The following SLC4A10 variants were observed in gnomAD, a reference collection of about 807,000 sequenced individuals.
SLC4A10 encodes the protein solute carrier family 4 member 10, also known as sodium-driven chloride bicarbonate exchanger.
SLC4A10 carries 42 observed loss-of-function variants against 137.7 expected under a neutral mutation model. The ratio of observed to expected loss-of-function variants is 0.30; its 90% confidence interval spans 0.24 to 0.39. SLC4A10 has a LOEUF of 0.39. Ranked by LOEUF, SLC4A10 falls within the 10% of genes least tolerant of loss-of-function variation. SLC4A10 has a pLI of 1.00. For missense variants in SLC4A10, 925 were observed against 1,355.0 expected, an observed-to-expected ratio of 0.68 and a Z score of 4.98; for synonymous variants, 474 against 464.1, an observed-to-expected ratio of 1.02 and a Z score of -0.27.
At chr2:161,957,361 A>G in intron 20 of SLC4A10, 121 bp downstream of exon 20, 1 of 1,136,378 alleles carries the variant, frequency 8.8e-7, no homozygotes, top group Non-Finnish European at 1.2e-6. Flanking sequence ...AAAGTGATGA[A>G]TTTCTGAACC....
At chr2:161,821,818 G>A (rs2057648162) in intron 3 of SLC4A10, among the ~76,000 whole-genome samples, 1 of 152,232 alleles carries the variant, frequency 6.6e-6, no homozygotes, top group Non-Finnish European at 1.5e-5. Flanking sequence ...AAATATGTTA[G>A]TAGGATGGTT....
intron 15 of SLC4A10, among the ~76,000 whole-genome samples, chr2:161,929,488 G>A (rs551025843): frequency 1.3e-5 from 2 of 152,226 alleles, no homozygotes; most frequent in African/African-American, 4.8e-5. Flanking sequence ...AGAGCATATG[G>A]CAGTTTCAAC....
rs912078665 is a variant in SLC4A10, at chr2:161,977,853, T to C, written c.*26+93T>C. On this transcript the variant is annotated intron_variant, in intron 26 of 26. Transcript: ENST00000446997. Reference sequence around the variant, plus strand: ...ACCTGGTCAGTCTATGTCCTCTGTGTGAGTTTTGGGGAGGCAAAAGGCATG... The same window carrying C: ...ACCTGGTCAGTCTATGTCCTCTGTGCGAGTTTTGGGGAGGCAAAAGGCATG... 2.4e-6 allele frequency: 3 copies of C among 1,260,422 alleles called. No homozygotes were observed. In the African/African-American group the frequency reaches 4.6e-5, roughly 20 times the overall value. The allele number at this position is 1,260,422 out of a possible 1,614,324, so 78.1% of individuals were successfully genotyped here.
intron 4 of SLC4A10, 117 bp from the exon 5 acceptor site, chr2:161,854,853 A>T: frequency 9.8e-7 from 1 of 1,024,452 alleles, no homozygotes; most frequent in Middle Eastern, 2.8e-4. Flanking sequence ...TACTTCCAAA[A>T]CCTATGAACC....
At chr2:161,795,803 A>G (rs1251657949) in intron 2 of SLC4A10, among the ~76,000 whole-genome samples, 1 of 152,126 alleles carries the variant, frequency 6.6e-6, no homozygotes, top group Non-Finnish European at 1.5e-5. Context: ...CACTTAGCAT[A>G]GTAGATGGTA....
In SLC4A10 at chr2:161,905,857, A is replaced by G. The variant is rs1575573169; in HGVS notation, c.1967A>G (p.His656Arg). The change falls in exon 15 of 27, where the codon CAT (histidine) becomes CGT (arginine). Residue 656 changes from histidine (H) to arginine (R), a missense_variant. His to Arg is a conservative substitution (Grantham distance 29). This residue lies in a region of SLC4A10 where 91 missense variants were observed against 95.6 expected (regional missense o/e 0.95). Transcript: ENST00000446997. Reference protein sequence around the residue: ...ELSEAYPINMHNDLELLTQYS... With the variant: ...ELSEAYPINMRNDLELLTQYS... Reference sequence around the variant, plus strand: ...AGTGAAGCATATCCAATCAACATGCATAATGATCTGGAACTGCTGACACAA... The same window carrying G: ...AGTGAAGCATATCCAATCAACATGCGTAATGATCTGGAACTGCTGACACAA... 1 of 1,613,298 alleles carries G rather than the reference A, an allele frequency of 6.2e-7. No individual in the cohort carries two copies.
intron 1 of SLC4A10, among the ~76,000 whole-genome samples, chr2:161,765,484 C>G (rs2050704251): frequency 6.6e-6 from 1 of 151,578 alleles, no homozygotes; most frequent in Non-Finnish European, 1.5e-5. Flanking sequence ...GTGCATGCCT[C>G]TAAGCCCAGT....
Position 161,862,856 on chromosome 2 carries a change from C to T in SLC4A10, c.578-18C>T, listed in dbSNP as rs1400935660. 6.5e-7 allele frequency: 1 copy of T among 1,547,660 alleles called. No homozygotes were observed. Among genetic ancestry groups the T allele is most frequent in the Non-Finnish European group, 8.7e-7 (1 of 1,143,276 alleles). On this transcript the variant is annotated intron_variant, in intron 5 of 26. Transcript: ENST00000446997. ...AGAGGAAAGCTGTGCTTATCTTCTTCCGGCCTTTTCTCTTCAGATATGGTT... is the reference window on the plus strand; with the variant it reads ...AGAGGAAAGCTGTGCTTATCTTCTTTCGGCCTTTTCTCTTCAGATATGGTT...
At chr2:161,811,705 A>G (rs573689773) in intron 3 of SLC4A10, among the ~76,000 whole-genome samples, 1 of 152,110 alleles carries the variant, frequency 6.6e-6, no homozygotes, top group South Asian at 2.1e-4. Flanking sequence ...ATCAGAAAGA[A>G]CTCACTTTAC....
At chr2:161,764,108 T>G (rs1231436081) in intron 1 of SLC4A10, among the ~76,000 whole-genome samples, 1 of 152,144 alleles carries the variant, frequency 6.6e-6, no homozygotes, top group Non-Finnish European at 1.5e-5. Context: ...GCTATTCAAA[T>G]GCCTCTCAAT....
At chr2:161,726,843 G>C (rs1181924532) in intron 1 of SLC4A10, among the ~76,000 whole-genome samples, 1 of 152,170 alleles carries the variant, frequency 6.6e-6, no homozygotes, top group Non-Finnish European at 1.5e-5. Flanking sequence ...TAGGAGGTGG[G>C]GGCTGCAGTG....
At chr2:161,951,961 AT>A (rs1694879779) in intron 19 of SLC4A10, among the ~76,000 whole-genome samples, 1 of 152,184 alleles carries the variant, frequency 6.6e-6, no homozygotes, top group African/African-American at 2.4e-5. Context: ...TAAGTTAAGA[AT>A]TCTCACAACT....
At position 161,876,008 on chromosome 2, in the gene SLC4A10, C is replaced by G. The variant is rs890582227; in HGVS notation, c.948+2003C>G. Among the ~76,000 whole-genome samples the G allele has an allele frequency of 2.6e-5, 4 of 152,270 alleles. No homozygotes were observed. In the South Asian group the frequency reaches 6.2e-4, roughly 24 times the overall value. On this transcript the variant is annotated intron_variant, in intron 8 of 26. Coordinates refer to ENST00000446997, the MANE Select transcript of SLC4A10 (RefSeq NM_001178015.2). ...TAGCGTGTAGTTTGCCCAGACACTTCCAATTTCACCTTGGTCTTCTATCTA... is the reference window on the plus strand; with the variant it reads ...TAGCGTGTAGTTTGCCCAGACACTTGCAATTTCACCTTGGTCTTCTATCTA...
chr2:161,647,718 C>T (rs1036593273), intron 1 of SLC4A10, among the ~76,000 whole-genome samples: 1 of 152,158 alleles, frequency 6.6e-6, no homozygotes, highest in African/African-American at 2.4e-5. Context: ...TATAGTAATT[C>T]TCTTTCAAAC....
intron 1 of SLC4A10, among the ~76,000 whole-genome samples, chr2:161,643,988 T>C (rs2035656279): frequency 6.6e-6 from 1 of 152,152 alleles, no homozygotes; most frequent in East Asian, 1.9e-4. Flanking sequence ...GCACAATGTA[T>C]TTGCCTGTCT....
At chr2:161,770,578 GTGTTAATACTAATGATTTTCATATT>G (rs1485312811) in intron 1 of SLC4A10, among the ~76,000 whole-genome samples, 3 of 151,856 alleles carry the variant, frequency 2.0e-5, no homozygotes, top group African/African-American at 7.2e-5. Flanking sequence ...AGCATTAGTG[GTGTTAATACTAATGATTTTCATATT>G]TTCCTTGCAT....
intron 1 of SLC4A10, among the ~76,000 whole-genome samples, chr2:161,755,803 C>G (rs1055118887): frequency 5.4e-5 from 8 of 148,032 alleles, no homozygotes; most frequent in Admixed American, 5.4e-4. Context: ...CGGAGTCTTG[C>G]CCTGTCACCT....
At chr2:161,749,354 G>A (rs1007017593) in intron 1 of SLC4A10, among the ~76,000 whole-genome samples, 10 of 151,996 alleles carry the variant, frequency 6.6e-5, no homozygotes, top group South Asian at 4.1e-4. Flanking sequence ...GTACCAGATC[G>A]TAGAAGAAAA....
At chr2:161,901,282 G>A in intron 12 of SLC4A10, 1 of 335,976 alleles carries the variant, frequency 3.0e-6, no homozygotes, top group African/African-American at 2.2e-5. Flanking sequence ...AGAATGAAAA[G>A]GAAAACCGTC....
Sources: gnomAD v4.1 joint callset for allele counts (sites outside exome capture counted in the v4.1 genomes callset) on GRCh38, gnomAD v4.1.1 for gene constraint, gnomAD v4.1.1 regional missense constraint, MANE v1.5 for transcripts, NCBI Gene and HGNC (gene_info 2026-07-23, HGNC 2026-07-21) for gene names.